Variants in ABCG5 observed in about 807,000 individuals in gnomAD.
The protein encoded by ABCG5 is ATP binding cassette subfamily G member 5.
Under a neutral mutation model 64.5 loss-of-function variants are expected in ABCG5, and 64 were observed. The observed-to-expected ratio is 0.99, with a 90% CI of 0.81 to 1.22. The LOEUF is 1.22. Among genes scored for constraint, ABCG5 ranks in the 50% most tolerant of loss-of-function variants. The pLI is 0.00. For synonymous variants in ABCG5, 385 were observed against 326.3 expected (o/e 1.18, Z -1.94); for missense variants, 908 against 829.5 (o/e 1.09, Z -1.16).
chr2:43,822,789 C>T lies in ABCG5; in HGVS notation c.1463+8G>A, dbSNP rs765692609. On this transcript the variant is annotated splice_region_variant and intron_variant, in intron 10 of 12. Transcript: ENST00000405322. ...GCCCGGCCCTGGGTGAACTGAACAA[C>T]CCCTCACCAGTAGCACACACTGCTG... 1.2e-6 allele frequency: 2 copies of T among 1,614,132 alleles called. No individual in the cohort carries two copies. The highest frequency in any genetic ancestry group is 1.7e-5 in the Admixed American group (1 of 60,010).
At chr2:43,830,531 G>T (rs1558761122) in intron 4 of ABCG5, among the ~76,000 whole-genome samples, 1 of 152,184 alleles carries the variant, frequency 6.6e-6, no homozygotes, top group Admixed American at 6.5e-5. Flanking sequence ...TTTATTTCCA[G>T]GTTCTTCCAA....
chr2:43,837,590 G>A (rs1380487923), intron 2 of ABCG5, among the ~76,000 whole-genome samples: 1 of 152,114 alleles, frequency 6.6e-6, no homozygotes, highest in Non-Finnish European at 1.5e-5. Flanking sequence ...TATATGCCAT[G>A]GAACTGTGGG....
downstream of ABCG5, chr2:43,809,908 T>G (rs17031643): frequency 6.9e-3 from 9,754 of 1,418,758 alleles, 180 homozygotes; most frequent in African/African-American, 0.063. Flanking sequence ...CTTGGACTAG[T>G]GCATCTCCCT....
In ABCG5 at chr2:43,824,943, A is replaced by G. The variant is rs1558746195; in HGVS notation, c.850T>C (p.Phe284Leu). 1.9e-6 allele frequency: 3 copies of G among 1,614,128 alleles called. No homozygotes were observed. Among genetic ancestry groups the G allele is most frequent in the Non-Finnish European group, 1.7e-6 (2 of 1,180,004 alleles). The change falls in exon 7 of 13, where the codon TTC becomes CTC. Residue 284 changes from phenylalanine to leucine, a missense_variant. Transcript: ENST00000405322. Reference protein sequence around the residue: ...CGTPAEMLDFFNDCGYPCPEH... With the variant: ...CGTPAEMLDFLNDCGYPCPEH... ...GGACAAGGGTAACCGCAGTCATTGA[A>G]GAAATCAAGCATTTCCGCTGGCGTG...
Position 43,838,003 on chromosome 2 carries a change from G to A in ABCG5, c.144-48C>T, listed in dbSNP as rs763217663. 3 of 1,612,214 alleles carry A rather than the reference G, an allele frequency of 1.9e-6. No individual in the cohort carries two copies. In the Admixed American group the frequency reaches 5.0e-5, roughly 27 times the overall value. On this transcript the variant is annotated intron_variant, in intron 1 of 12. Transcript: ENST00000405322. The surrounding 1 kb of genome is among the most constrained non-coding windows in gnomAD (Gnocchi z 4.2). ...GCAAAGGCAGCTTGGGGCCCTGGAA[G>A]GGGCCACACCCAGGTCCCCAGCATT...
chr2:43,835,237 ACATTGGCCTTTGGGGTGCACTTCTGAG>A (rs60977016), intron 2 of ABCG5, among the ~76,000 whole-genome samples: 61,903 of 146,372 alleles, frequency 0.42, 13,437 homozygotes, highest in East Asian at 0.84. Context: ...ATGAAACACA[ACATTGGCCTTTGGGGTGCACTTCTGAG>A]CATTGGCCTT....
At chr2:43,814,295 C>A (rs1666677944) in intron 12 of ABCG5, among the ~76,000 whole-genome samples, 182 bp downstream of exon 12, 1 of 152,156 alleles carries the variant, frequency 6.6e-6, no homozygotes, top group Non-Finnish European at 1.5e-5. Flanking sequence ...AGGAGACTAA[C>A]TTGACTACTG....
Position 43,824,306 on chromosome 2 carries a change from C to T in ABCG5, c.1031G>A (p.Arg344Lys). 1 of 1,614,182 alleles carries T rather than the reference C, an allele frequency of 6.2e-7. No individual in the cohort carries two copies. Among genetic ancestry groups the T allele is most frequent in the Non-Finnish European group, 8.5e-7 (1 of 1,180,034 alleles). ...ICHKTLKNIE[R>K]MKHLKTLPMV... is the part of the protein sequence containing the mutation. ...TGGTAACGTTTTCAGGTGTTTCATT[C>T]TTTCAATATTCTTCAAAGTTTTATG... Residue 344 changes from arginine (R) to lysine (K), a missense_variant, in exon 8 of 13, where the codon AGA becomes AAA. Arg to Lys is a conservative substitution (Grantham distance 26, BLOSUM62 2). Transcript: ENST00000405322.
chr2:43,816,586 T>C (rs1666846518), intron 11 of ABCG5, among the ~76,000 whole-genome samples: 1 of 152,142 alleles, frequency 6.6e-6, no homozygotes, highest in Non-Finnish European at 1.5e-5. Context: ...TTCTGTCACC[T>C]AGGCTGGAGT....
rs1214033245 is a variant in ABCG5, at chr2:43,813,709, G to GTTTT, written c.1763-404_1763-401dup. Among the ~76,000 whole-genome samples the GTTTT allele has an allele frequency of 2.8e-3, 94 of 34,030 alleles. 5 individuals are homozygous for GTTTT. The highest frequency in any genetic ancestry group is 6.5e-3 in the African/African-American group (51 of 7,826). The allele number at this position is 34,030 out of a possible 152,430, so 22.3% of individuals were successfully genotyped here. A position where few individuals can be genotyped will look rare whatever the true frequency, so the allele number is the denominator to read the frequency against. ...TGTTTTTTTTGGGGTTTTTTTTTTC[G>GTTTT]TTTTTTTTTTTTTTTTTTTTTTTTT... is the stretch of plus-strand genomic sequence containing the variant. On this transcript the variant is annotated intron_variant, in intron 12 of 12. Coordinates refer to ENST00000405322, the MANE Select transcript of ABCG5 (RefSeq NM_022436.3).
At chr2:43,806,842 C>T in the ABCG5 span, among the ~76,000 whole-genome samples, 1 of 152,134 alleles carries the variant, frequency 6.6e-6, no homozygotes, top group Admixed American at 6.5e-5. Context: ...CTTCATTCAT[C>T]TCTTGTATCT....
At chr2:43,815,145 T>C (rs1020825153) in intron 11 of ABCG5, among the ~76,000 whole-genome samples, 8 of 152,156 alleles carry the variant, frequency 5.3e-5, no homozygotes, top group African/African-American at 1.9e-4. Context: ...AGAACTAACC[T>C]AGAATACAAA....
At chr2:43,827,714 A>G (rs1410583378) in intron 5 of ABCG5, among the ~76,000 whole-genome samples, 1 of 152,220 alleles carries the variant, frequency 6.6e-6, no homozygotes, top group Non-Finnish European at 1.5e-5. Flanking sequence ...GCAAGGCTCC[A>G]TATTCAAGGA....
At chr2:43,838,904 G>C, upstream of ABCG5, 9 of 1,172,728 alleles carry the variant, frequency 7.7e-6, no homozygotes, top group Non-Finnish European at 1.1e-5. The surrounding 1 kb of genome is among the most constrained non-coding windows in gnomAD (Gnocchi z 4.2). Context: ...TTGTAGGTGG[G>C]CTTGCCAGCA....
At chr2:43,827,945 C>G (rs1231794173) in intron 5 of ABCG5, 38 bp downstream of exon 5, 1 of 1,612,482 alleles carries the variant, frequency 6.2e-7, no homozygotes, top group East Asian at 2.2e-5. Flanking sequence ...CAGAAGATGC[C>G]CAGACAGCAG....
the ABCG5 span, among the ~76,000 whole-genome samples, chr2:43,806,923 A>G: frequency 1.3e-5 from 2 of 152,076 alleles, no homozygotes; most frequent in East Asian, 1.9e-4. Flanking sequence ...CTGAAAAGTT[A>G]TGCTGTCCTA....
At chr2:43,832,238 C>T (rs1667995622) in intron 2 of ABCG5, 155 bp from the exon 3 acceptor site, 1 of 1,047,532 alleles carries the variant, frequency 9.5e-7, no homozygotes, top group African/African-American at 1.6e-5. Context: ...GATACAGGCC[C>T]TGCCCTATGG....
intron 10 of ABCG5, among the ~76,000 whole-genome samples, chr2:43,821,347 C>G (rs527832734): frequency 6.6e-6 from 1 of 152,210 alleles, no homozygotes; most frequent in African/African-American, 2.4e-5. Context: ...GATGAGCCAT[C>G]CACATCAGTG....
In ABCG5 at chr2:43,824,009, T is replaced by G. The variant is rs115590670; in HGVS notation, c.1228A>C (p.Asn410His). Residue 410 changes from asparagine (N) to histidine (H), a missense_variant, in exon 9 of 13, where the codon AAT becomes CAT. Transcript: ENST00000405322. ...LLFFVLRVRS[N>H]VLKGAIQDRV... ...TCCTGGATAGCACCCTTTAGCACATTGCTTCGGACCCGCAGAACGAAGAAA... is the reference window on the plus strand; with the variant it reads ...TCCTGGATAGCACCCTTTAGCACATGGCTTCGGACCCGCAGAACGAAGAAA... 7.9e-4 allele frequency: 1,282 copies of G among 1,614,186 alleles called. 8 individuals are homozygous for G. In the African/African-American group the frequency reaches 0.016, roughly 20 times the overall value.
Sources: gnomAD v4.1 joint callset for allele counts (sites outside exome capture counted in the v4.1 genomes callset) on GRCh38, gnomAD v4.1.1 for gene constraint, Gnocchi (gnomAD v3.1) non-coding constraint, MANE v1.5 for transcripts, NCBI Gene and HGNC (gene_info 2026-07-23, HGNC 2026-07-21) for gene names.